Variants in PRIM2 observed in about 807,000 individuals in gnomAD.
PRIM2 encodes DNA primase large subunit.
In PRIM2, 39 loss-of-function variants were observed where a neutral mutation model predicts 67.3. That is an observed-to-expected ratio of 0.58 (90% confidence interval 0.45 to 0.76). The LOEUF is 0.76. PRIM2 is among the 30% of genes least tolerant of loss of function. PRIM2 has a pLI of 0.00. For synonymous variants in PRIM2, 143 were observed against 198.7 expected (o/e 0.72, Z 2.36); for missense variants, 398 against 598.7 (o/e 0.66, Z 3.50).
At chr6:57,528,411 CTTTTGTATA>C (rs1370615447) in intron 8 of PRIM2, among the ~76,000 whole-genome samples, 1 of 150,932 alleles carries the variant, frequency 6.6e-6, no homozygotes, top group Non-Finnish European at 1.5e-5. Flanking sequence ...AAATTTAGCC[CTTTTGTATA>C]TTCTAGTGAG....
intron 7 of PRIM2, among the ~76,000 whole-genome samples, chr6:57,432,355 T>G (rs1311086217): frequency 6.6e-6 from 1 of 151,824 alleles, no homozygotes; most frequent in African/African-American, 2.4e-5. Context: ...CATATTTTTC[T>G]TCGAAGTCAG....
chr6:57,485,693 G>A (rs1773738012), intron 7 of PRIM2, among the ~76,000 whole-genome samples: 2 of 152,162 alleles, frequency 1.3e-5, no homozygotes, highest in African/African-American at 4.8e-5. Flanking sequence ...CATTATCAAT[G>A]GCTAGAGAAT....
At chr6:57,496,254 T>C (rs1774002270) in intron 7 of PRIM2, among the ~76,000 whole-genome samples, 1 of 152,218 alleles carries the variant, frequency 6.6e-6, no homozygotes, top group Admixed American at 6.5e-5. Context: ...GCAGAATAGA[T>C]TATCTTTAAT....
At chr6:57,324,364 A>T in intron 4 of PRIM2, 84 bp downstream of exon 4, 4 of 752,218 alleles carry the variant, frequency 5.3e-6, no homozygotes, top group Non-Finnish European at 9.0e-6. Context: ...TGTTGTGCTA[A>T]ACATAGGAAA....
chr6:57,374,221 A>G (rs1440134828), intron 5 of PRIM2, among the ~76,000 whole-genome samples: 1 of 149,476 alleles, frequency 6.7e-6, no homozygotes, highest in African/African-American at 2.5e-5. Context: ...TGTAAATGGG[A>G]TTGCCTTCTT....
intron 5 of PRIM2, among the ~76,000 whole-genome samples, chr6:57,349,107 C>T (rs891299462): frequency 6.6e-6 from 1 of 152,208 alleles, no homozygotes; most frequent in East Asian, 1.9e-4. Flanking sequence ...AAAAACTAAA[C>T]TGTTTCTAAT....
At chr6:57,442,650 A>C (rs917243368) in intron 7 of PRIM2, among the ~76,000 whole-genome samples, 2 of 152,076 alleles carry the variant, frequency 1.3e-5, no homozygotes, top group East Asian at 1.9e-4. Context: ...TGGTGGTGCC[A>C]TTAAAAGTTA....
chr6:57,357,014 A>G (rs1380327550), intron 5 of PRIM2, among the ~76,000 whole-genome samples: 1 of 150,294 alleles, frequency 6.7e-6, no homozygotes, highest in Non-Finnish European at 1.5e-5. Context: ...GCTCACTGCA[A>G]CCTCGGCCTC....
intron 5 of PRIM2, among the ~76,000 whole-genome samples, chr6:57,366,697 A>G (rs1403039632): frequency 6.6e-6 from 1 of 152,190 alleles, no homozygotes; most frequent in African/African-American, 2.4e-5. Flanking sequence ...TGGAAGTCCC[A>G]CATCCTTAGA....
At chr6:57,499,447 G>A (rs1774081440) in intron 7 of PRIM2, among the ~76,000 whole-genome samples, 1 of 152,138 alleles carries the variant, frequency 6.6e-6, no homozygotes, top group Non-Finnish European at 1.5e-5. Flanking sequence ...CCTGAGGTAG[G>A]TTATAAAACC....
At chr6:57,500,028 C>T (rs1774097043) in intron 7 of PRIM2, among the ~76,000 whole-genome samples, 1 of 150,320 alleles carries the variant, frequency 6.7e-6, no homozygotes, top group Non-Finnish European at 1.5e-5. Context: ...TACAATTTTC[C>T]TTCATTTCCC....
chr6:57,477,701 T>C (rs1773508793), intron 7 of PRIM2, among the ~76,000 whole-genome samples: 2 of 152,196 alleles, frequency 1.3e-5, no homozygotes, highest in African/African-American at 4.8e-5. Flanking sequence ...AGATTCTTTA[T>C]TTAAGGGTAG....
chr6:57,470,002 T>A (rs1773297350), intron 7 of PRIM2, among the ~76,000 whole-genome samples: 1 of 152,022 alleles, frequency 6.6e-6, no homozygotes, highest in South Asian at 2.1e-4. Context: ...CTTTGGAGGC[T>A]AAAAATGCAG....
At chr6:57,339,955 C>T (rs992530065) in intron 5 of PRIM2, among the ~76,000 whole-genome samples, 8 of 151,640 alleles carry the variant, frequency 5.3e-5, no homozygotes, top group African/African-American at 1.9e-4. Context: ...GCAACCTACT[C>T]ATCTGACAAA....
chr6:57,615,090 C>A (rs1209596343), intron 12 of PRIM2, among the ~76,000 whole-genome samples: 4 of 152,062 alleles, frequency 2.6e-5, no homozygotes, highest in Non-Finnish European at 5.9e-5. Flanking sequence ...TAAAAACCTG[C>A]AATTTTGTGA....
chr6:57,558,318 A>G (rs1775558443), intron 10 of PRIM2, among the ~76,000 whole-genome samples: 1 of 152,184 alleles, frequency 6.6e-6, no homozygotes, highest in Non-Finnish European at 1.5e-5. Context: ...CAAGCTCAAG[A>G]GTAAGATATA....
At chr6:57,533,423 C>A (rs1489454324) in intron 9 of PRIM2, among the ~76,000 whole-genome samples, 1 of 152,038 alleles carries the variant, frequency 6.6e-6, no homozygotes, top group African/African-American at 2.4e-5. Context: ...AGAGAAAGAA[C>A]GTGAGTTTGG....
intron 13 of PRIM2, among the ~76,000 whole-genome samples, chr6:57,634,658 A>G (rs1777090572): frequency 6.6e-6 from 1 of 152,290 alleles, no homozygotes; most frequent in Non-Finnish European, 1.5e-5. Context: ...AAAATAAGAT[A>G]TGAAAATTAG....
chr6:57,626,221 T>C (rs1298168568), intron 12 of PRIM2, among the ~76,000 whole-genome samples: 1 of 152,220 alleles, frequency 6.6e-6, no homozygotes, highest in Non-Finnish European at 1.5e-5. Flanking sequence ...TTGGCAGGCA[T>C]TGAAGCAAAA....
Sources: gnomAD v4.1 joint callset for allele counts (sites outside exome capture counted in the v4.1 genomes callset) on GRCh38, gnomAD v4.1.1 for gene constraint, MANE v1.5 for transcripts, NCBI Gene and HGNC (gene_info 2026-07-23, HGNC 2026-07-21) for gene names.